ATP6V0E1: variants seen among roughly 807,000 people sequenced by gnomAD.
ATP6V0E1 encodes V-type proton ATPase subunit e 1.
ATP6V0E1 carries 4 observed loss-of-function variants against 11.6 expected under a neutral mutation model. The observed-to-expected ratio is 0.35, with a 90% CI of 0.17 to 0.79. The LOEUF (loss-of-function observed/expected upper bound fraction) is 0.79, where lower values mean the gene tolerates loss of function less well. Among genes scored for constraint, ATP6V0E1 ranks in the 30% least tolerant of loss-of-function variants. ATP6V0E1 has a pLI of 0.54. For synonymous variants in ATP6V0E1, 36 were observed against 34.8 expected, an observed-to-expected ratio of 1.04 and a Z score of -0.13; for missense variants, 105 against 100.0, an observed-to-expected ratio of 1.05 and a Z score of -0.21.
chr5:173,032,253 ATTTATTT>A (rs1561778648), intron 3 of ATP6V0E1, among the ~76,000 whole-genome samples: 3 of 124,362 alleles, frequency 2.4e-5, no homozygotes. Context: ...ATTTTATTTT[ATTTATTT>A]ATTTATTTAT....
intron 2 of ATP6V0E1, among the ~76,000 whole-genome samples, chr5:173,006,984 A>AT (rs536635163): frequency 7.0e-4 from 106 of 152,312 alleles, no homozygotes; most frequent in Non-Finnish European, 1.3e-3. Context: ...GATAAGAGGA[A>AT]TTTTAGACTT....
At position 173,020,282 on chromosome 5, in the gene ATP6V0E1, C is replaced by T. The variant is rs750933125; in HGVS notation, c.197C>T (p.Pro66Leu). Residue 66 changes from proline (P) to leucine (L), a missense_variant, in exon 3 of 4, where the codon CCG becomes CTG. Transcript: ENST00000519374. The part of the protein sequence containing the change: ...ILAQLNPLFG[P>L]QLKNETIWYL... ...GCCCAACTCAACCCTCTCTTTGGAC[C>T]GCAATTGAAAAATGAAACCATCTGG... is the stretch of plus-strand genomic sequence containing the variant. 20 of 1,613,686 alleles carry T rather than the reference C, an allele frequency of 1.2e-5. No homozygotes were observed. The highest frequency in any genetic ancestry group is 2.7e-5 in the African/African-American group (2 of 74,876).
intron 2 of ATP6V0E1, among the ~76,000 whole-genome samples, chr5:173,011,653 T>A (rs1756327455): frequency 6.6e-6 from 1 of 152,190 alleles, no homozygotes; most frequent in Non-Finnish European, 1.5e-5. Flanking sequence ...TGATCTCAGA[T>A]CCATTCCGGC....
Position 173,034,570 on chromosome 5 carries a change from G to T in ATP6V0E1, c.*208G>T. On this transcript the variant is annotated 3_prime_UTR_variant, in exon 4 of 4. Coordinates refer to ENST00000519374, the MANE Select transcript of ATP6V0E1 (RefSeq NM_003945.4). ...CCTTTTTTGCACTTTGGTGAATTAC[G>T]TGCCTCCATAACCTGAACTGTGCCG... is the stretch of plus-strand genomic sequence containing the variant. The T allele has an allele frequency of 1.5e-6, 1 of 665,046 alleles. No homozygotes were observed. Among genetic ancestry groups the T allele is most frequent in the Admixed American group, 2.1e-5 (1 of 47,838 alleles). The allele number at this position is 665,046 out of a possible 1,614,324, so 41.2% of individuals were successfully genotyped here. A position where few individuals can be genotyped will look rare whatever the true frequency, so the allele number is the denominator to read the frequency against.
rs370904068 is a variant in ATP6V0E1 at position 172,983,954 on chromosome 5, C to T, written c.94C>T (p.Pro32Ser). 1.7e-5 allele frequency: 27 copies of T among 1,612,518 alleles called. No homozygotes were observed. In the East Asian group the frequency reaches 2.7e-4, roughly 16 times the overall value. Reference protein sequence around the residue: ...FLVPWFIPKGPNRGVIITMLV... With the variant: ...FLVPWFIPKGSNRGVIITMLV... ...GGTGCCTTGGTTCATCCCTAAGGGT[C>T]CTAACCGGGGGTAAGTGCGTGAGGC... Residue 32 changes from proline (P) to serine (S), a missense_variant, in exon 1 of 4, where the codon CCT (proline) becomes TCT (serine). Physicochemically the swap from Pro to Ser is moderately conservative, Grantham distance 74. Coordinates refer to ENST00000519374, the MANE Select transcript of ATP6V0E1 (RefSeq NM_003945.4).
intron 2 of ATP6V0E1, 27 bp from the exon 3 acceptor site, chr5:173,020,211 G>A (rs780565707): frequency 5.1e-6 from 8 of 1,566,720 alleles, no homozygotes; most frequent in East Asian, 4.5e-5. Context: ...TCACCGCTTC[G>A]TTGTTTCTCT....
intron 2 of ATP6V0E1, among the ~76,000 whole-genome samples, chr5:173,006,804 G>T (rs566951274): frequency 2.6e-4 from 40 of 151,882 alleles, no homozygotes; most frequent in East Asian, 2.3e-3. Flanking sequence ...GGTTTTGGGG[G>T]TTTTTTTTGG....
intron 3 of ATP6V0E1, among the ~76,000 whole-genome samples, chr5:173,026,441 A>G (rs1756559529): frequency 2.0e-5 from 3 of 152,208 alleles, no homozygotes; most frequent in Admixed American, 2.0e-4. Context: ...CCAAAGTCAA[A>G]TTATGAACAA....
At chr5:172,984,009 C>A in intron 1 of ATP6V0E1, 45 bp downstream of exon 1, 1 of 1,579,930 alleles carries the variant, frequency 6.3e-7, no homozygotes, top group South Asian at 1.1e-5. Flanking sequence ...CGGTGAGGAG[C>A]TAGCAGGCCG....
chr5:173,016,271 A>G (rs1201431499), intron 2 of ATP6V0E1, among the ~76,000 whole-genome samples: 3 of 152,132 alleles, frequency 2.0e-5, no homozygotes, highest in Non-Finnish European at 4.4e-5. Context: ...TCAGGATTGA[A>G]TTGGAGGACA....
At chr5:173,009,800 G>A (rs374412112) in intron 2 of ATP6V0E1, among the ~76,000 whole-genome samples, 32 of 123,622 alleles carry the variant, frequency 2.6e-4, no homozygotes, top group African/African-American at 1.0e-3. Context: ...GTCTTGCTCT[G>A]TTGCCCAGGC....
intron 1 of ATP6V0E1, 28 bp downstream of exon 1, chr5:172,983,992 G>C: frequency 6.2e-7 from 1 of 1,605,042 alleles, no homozygotes; most frequent in South Asian, 1.1e-5. Flanking sequence ...GCCTTGGGAG[G>C]AACGGGCGGT....
chr5:173,008,665 T>G lies in ATP6V0E1; in HGVS notation c.153-11573T>G, dbSNP rs375067606. On this transcript the variant is annotated intron_variant, in intron 2 of 3. Coordinates refer to ENST00000519374, the MANE Select transcript of ATP6V0E1 (RefSeq NM_003945.4). ...TGGCTCACACCTGTAATCCCAGCAC[T>G]TTGGGAGGCCAAGGTGGGCGGATCA... Among the ~76,000 whole-genome samples, 13 of 146,522 alleles carry G rather than the reference T, an allele frequency of 8.9e-5. No homozygotes were observed. The East Asian group carries it at 2.6e-3, about 29-fold the overall frequency.
intron 2 of ATP6V0E1, among the ~76,000 whole-genome samples, chr5:173,014,123 T>C (rs1037558900): frequency 7.2e-6 from 1 of 139,632 alleles, no homozygotes; most frequent in African/African-American, 2.7e-5. Flanking sequence ...ATCGTGCCAC[T>C]GCACTCCAGC....
intron 3 of ATP6V0E1, among the ~76,000 whole-genome samples, chr5:173,024,012 C>T (rs796993657): frequency 1.2e-4 from 18 of 151,502 alleles, no homozygotes; most frequent in African/African-American, 4.1e-4. Context: ...ATGGCTAACA[C>T]GGTGAAACCC....
chr5:173,018,714 A>G (rs1348448373), intron 2 of ATP6V0E1, among the ~76,000 whole-genome samples: 1 of 151,922 alleles, frequency 6.6e-6, no homozygotes, highest in African/African-American at 2.4e-5. Context: ...GTGACATTTC[A>G]TTTTTCGCCA....
chr5:173,028,751 A>T (rs1269234474), intron 3 of ATP6V0E1, among the ~76,000 whole-genome samples: 1 of 152,192 alleles, frequency 6.6e-6, no homozygotes, highest in Non-Finnish European at 1.5e-5. Flanking sequence ...TACTCCTAAG[A>T]GCAGTGCTCA....
At chr5:172,984,437 A>T (rs573641474) in intron 1 of ATP6V0E1, among the ~76,000 whole-genome samples, 2 of 152,286 alleles carry the variant, frequency 1.3e-5, no homozygotes, top group Non-Finnish European at 2.9e-5. Context: ...CTTCGACAAC[A>T]TTGAGCCCAG....
intron 3 of ATP6V0E1, among the ~76,000 whole-genome samples, chr5:173,033,919 A>G (rs1291703054): frequency 6.6e-6 from 1 of 152,148 alleles, no homozygotes; most frequent in Non-Finnish European, 1.5e-5. Flanking sequence ...GAAAAGTGTC[A>G]TTTGTCACCT....
Sources: gnomAD v4.1 joint callset for allele counts (sites outside exome capture counted in the v4.1 genomes callset) on GRCh38, gnomAD v4.1.1 for gene constraint, MANE v1.5 for transcripts, NCBI Gene and HGNC (gene_info 2026-07-23, HGNC 2026-07-21) for gene names.